SP100: variants seen among roughly 807,000 people sequenced by gnomAD.
SP100 encodes the protein SP100 nuclear body protein, also known as nuclear autoantigen Sp-100.
In SP100, 84 loss-of-function variants were observed where a neutral mutation model predicts 130.0. That is an observed-to-expected ratio of 0.65 (90% CI 0.54 to 0.77). The LOEUF (loss-of-function observed/expected upper bound fraction) is 0.77. Among genes scored for constraint, SP100 ranks in the 30% least tolerant of loss-of-function variants. SP100 has a pLI of 0.00. For missense variants in SP100, 978 were observed against 1,052.2 expected, an observed-to-expected ratio of 0.93 and a Z score of 0.97; for synonymous variants, 331 against 351.7, an observed-to-expected ratio of 0.94 and a Z score of 0.66.
chr2:230,419,991 G>A (rs1237961987), intron 2 of SP100, among the ~76,000 whole-genome samples: 1 of 152,108 alleles, frequency 6.6e-6, no homozygotes, highest in Non-Finnish European at 1.5e-5. Context: ...TGAATTGAGA[G>A]ACACTAAATG....
At chr2:230,443,361 A>G (rs1030953560) in intron 3 of SP100, among the ~76,000 whole-genome samples, 1 of 152,214 alleles carries the variant, frequency 6.6e-6, no homozygotes, top group Non-Finnish European at 1.5e-5. Flanking sequence ...ATGGTACTGG[A>G]GAAACTGGAA....
rs1387604044 is a variant in SP100, at chr2:230,498,889, C to T, written c.1720+354C>T. 2.6e-5 allele frequency among the ~76,000 whole-genome samples: 4 copies of T among 152,294 alleles called. No individual in the cohort carries two copies. In the East Asian group the frequency reaches 5.8e-4, roughly 22 times the overall value. On this transcript the variant is annotated intron_variant, in intron 19 of 28. Transcript: ENST00000340126. Reference sequence around the variant, plus strand: ...AGCTGTCCCTCCTCTTGCCCATCACCACGTGGTAATTGTGTGGACTTGGGT... The same window carrying T: ...AGCTGTCCCTCCTCTTGCCCATCACTACGTGGTAATTGTGTGGACTTGGGT...
At chr2:230,430,311 C>T (rs574781394) in intron 2 of SP100, among the ~76,000 whole-genome samples, 236 of 152,340 alleles carry the variant, frequency 1.5e-3, no homozygotes, top group African/African-American at 5.4e-3. Context: ...CAGCGGCTAA[C>T]GGCCAGGCTC....
chr2:230,539,425 G>A (rs1022553950), intron 25 of SP100, 43 bp downstream of exon 25: 3 of 1,373,560 alleles, frequency 2.2e-6, no homozygotes, highest in Admixed American at 3.4e-5. Context: ...TCCTTCTTGT[G>A]GTACAGCTCC....
At chr2:230,490,164 A>G (rs2066322059) in intron 17 of SP100, among the ~76,000 whole-genome samples, 2 of 151,918 alleles carry the variant, frequency 1.3e-5, no homozygotes, top group African/African-American at 4.8e-5. Flanking sequence ...TTGTTTTATG[A>G]ATCTGGGTGC....
intron 4 of SP100, among the ~76,000 whole-genome samples, chr2:230,446,360 C>T (rs187638112): frequency 2.2e-4 from 33 of 152,342 alleles, no homozygotes; most frequent in African/African-American, 6.5e-4. Context: ...CCTCCTGCAT[C>T]GGCCTCCCAA....
At chr2:230,465,364 A>G (rs2064888450) in intron 11 of SP100, among the ~76,000 whole-genome samples, 1 of 152,190 alleles carries the variant, frequency 6.6e-6, no homozygotes, top group African/African-American at 2.4e-5. Flanking sequence ...GTGCCACTGC[A>G]CTCTAGCCTG....
chr2:230,469,912 C>A (rs192655016), intron 14 of SP100, 103 bp from the exon 15 acceptor site: 6 of 1,508,340 alleles, frequency 4.0e-6, no homozygotes, highest in Non-Finnish European at 5.3e-6. Context: ...ATTTCTCCCC[C>A]TCCTCCACAA....
intron 23 of SP100, chr2:230,508,300 T>A: frequency 3.0e-6 from 1 of 334,082 alleles, no homozygotes. Flanking sequence ...GTAAAGGAGC[T>A]AAATGCCATA....
At chr2:230,515,679 T>C (rs1413765430) in intron 24 of SP100, 1 of 1,569,750 alleles carries the variant, frequency 6.4e-7, no homozygotes, top group East Asian at 2.2e-5. Context: ...CTATAAAGCA[T>C]TTAAGCTGCC....
chr2:230,470,045 G>A lies in SP100; in HGVS notation c.1376G>A (p.Ser459Asn). The A allele has an allele frequency of 1.2e-6, 2 of 1,612,728 alleles. No individual in the cohort carries two copies. Among genetic ancestry groups the A allele is most frequent in the Non-Finnish European group, 1.7e-6 (2 of 1,179,290 alleles). The change falls in exon 15 of 29, where the codon AGT (serine) becomes AAT (asparagine). Residue 459 changes from serine (S) to asparagine (N), a missense_variant. Coordinates refer to ENST00000340126, the MANE Select transcript of SP100 (RefSeq NM_001080391.2). ...AGCAGTAGTGACTTTTCAGACCTGA[G>A]TAATGGAGAAGAGCTTCAGGAAACC... ...RFSSSDFSDL[S>N]NGEELQETCS... is the part of the protein sequence containing the mutation.
intron 9 of SP100, among the ~76,000 whole-genome samples, chr2:230,461,621 G>A (rs2064641427): frequency 6.6e-6 from 1 of 152,036 alleles, no homozygotes; most frequent in African/African-American, 2.4e-5. Context: ...CAGAAATGGA[G>A]GTAATCAGTA....
intron 17 of SP100, among the ~76,000 whole-genome samples, chr2:230,491,379 C>CT (rs1261759852): frequency 6.6e-6 from 1 of 152,200 alleles, no homozygotes; most frequent in African/African-American, 2.4e-5. Context: ...ATTGGAGTTC[C>CT]TGCAGGGAAG....
chr2:230,541,888 A>T lies in SP100; in HGVS notation c.2404-4A>T. The stretch of plus-strand genomic sequence containing the variant: ...TAGCCTCATTTTGGTCTTTTACTCA[A>T]CAGAACAGAGAGGGGTCTCAGGGCC... On this transcript the variant is annotated splice_polypyrimidine_tract_variant and splice_region_variant and intron_variant, in intron 27 of 28. Coordinates refer to ENST00000340126, the MANE Select transcript of SP100 (RefSeq NM_001080391.2). 6.2e-7 allele frequency: 1 copy of T among 1,613,154 alleles called. No individual in the cohort carries two copies. The highest frequency in any genetic ancestry group is 1.3e-5 in the African/African-American group (1 of 74,956).
intron 17 of SP100, among the ~76,000 whole-genome samples, chr2:230,487,488 G>A (rs984719146): frequency 6.6e-6 from 1 of 152,174 alleles, no homozygotes; most frequent in Non-Finnish European, 1.5e-5. Flanking sequence ...TTGCAGATAT[G>A]CGGTGTTATT....
chr2:230,477,143 G>T (rs2065595133), intron 17 of SP100, among the ~76,000 whole-genome samples: 1 of 152,130 alleles, frequency 6.6e-6, no homozygotes, highest in East Asian at 1.9e-4. Context: ...GGGATTACAG[G>T]CATGAGCTAC....
rs192800601 is a variant in SP100, at chr2:230,446,994, G to A, written c.523+92G>A. 297 of 736,000 alleles carry A rather than the reference G, an allele frequency of 4.0e-4. No homozygotes were observed. The African/African-American group carries it at 4.5e-3, about 11-fold the overall frequency. 45.6% of individuals were successfully genotyped at this position (736,000 alleles called of 1,614,324 possible). On this transcript the variant is annotated intron_variant, in intron 5 of 28. Transcript: ENST00000340126. ...TGTGAATCAGGGAAGACATATGGAA[G>A]GACTATGGAGAAGTCAAGGAGAGAG...
intron 21 of SP100, 109 bp from the exon 22 acceptor site, chr2:230,506,194 A>T: frequency 8.8e-7 from 1 of 1,132,256 alleles, no homozygotes; most frequent in Non-Finnish European, 1.3e-6. Flanking sequence ...TTCAGACTTT[A>T]CTGCTACGAT....
At chr2:230,515,807 G>T (rs2150090398) in intron 24 of SP100, 1 of 1,442,368 alleles carries the variant, frequency 6.9e-7, no homozygotes, top group East Asian at 2.4e-5. Context: ...TGTGTCTTCA[G>T]ATAGCCCTGT....
Sources: allele counts gnomAD v4.1 joint callset (sites outside exome capture counted in the v4.1 genomes callset), GRCh38; gene constraint gnomAD v4.1.1; transcripts MANE v1.5; gene names NCBI Gene and HGNC (gene_info 2026-07-23, HGNC 2026-07-21).